Variants in RLN1 observed in about 807,000 individuals in gnomAD.
RLN1 encodes prorelaxin H1.
RLN1 carries 4 observed loss-of-function variants against 7.2 expected under a neutral mutation model. The observed-to-expected ratio is 0.56, with a 90% CI of 0.28 to 1.28. The LOEUF (loss-of-function observed/expected upper bound fraction) is 1.28. Ranked by LOEUF, RLN1 falls within the 50% of genes most tolerant of loss-of-function variation. The pLI, the probability that RLN1 is intolerant of heterozygous loss-of-function variation, is 0.11. For missense variants in RLN1, 293 were observed against 221.1 expected (o/e 1.32, Z -2.06); for synonymous variants, 105 against 86.0 (o/e 1.22, Z -1.22).
chr9:5,335,858 A>T lies in RLN1; in HGVS notation c.212-261T>A, dbSNP rs1180766746. Reference sequence around the variant, plus strand: ...TCTTCATTATCCCCTCAGTGCTTTTATCATAGTACTTTTGACTCTCCCTGA... The same window carrying T: ...TCTTCATTATCCCCTCAGTGCTTTTTTCATAGTACTTTTGACTCTCCCTGA... On this transcript the variant is annotated intron_variant, in intron 1 of 1. Coordinates refer to ENST00000223862, the MANE Select transcript of RLN1 (RefSeq NM_006911.4). Among the ~76,000 whole-genome samples, 2 of 151,898 alleles carry T rather than the reference A, an allele frequency of 1.3e-5. 1 individual carries two copies. The highest frequency in any genetic ancestry group is 2.9e-5 in the Non-Finnish European group (2 of 67,982).
chr9:5,339,311 G>A (rs1563756561), intron 1 of RLN1: 3 of 425,072 alleles, frequency 7.1e-6, no homozygotes, highest in Non-Finnish European at 3.9e-6. Context: ...TGTTCTCAGT[G>A]CTTTCCCTCC....
chr9:5,340,760 AGAC>A (rs1317834899), upstream of RLN1, among the ~76,000 whole-genome samples: 1 of 152,216 alleles, frequency 6.6e-6, no homozygotes, highest in African/African-American at 2.4e-5. Context: ...TATGGTTAGT[AGAC>A]GACCCTTCTA....
Position 5,337,490 on chromosome 9 carries a change from G to C in RLN1, c.212-1893C>G, listed in dbSNP as rs925032786. The stretch of plus-strand genomic sequence containing the variant: ...TTTGGATGCAAATCTTACTGAAATA[G>C]ATCTCTGGTTTAAAGCGGATCTTAT... On this transcript the variant is annotated intron_variant, in intron 1 of 1. Coordinates refer to ENST00000223862, the MANE Select transcript of RLN1 (RefSeq NM_006911.4). 2.6e-5 allele frequency among the ~76,000 whole-genome samples: 4 copies of C among 151,954 alleles called. 1 individual carries two copies. Among genetic ancestry groups the C allele is most frequent in the Non-Finnish European group, 5.9e-5 (4 of 67,980 alleles).
chr9:5,339,938 A>C, upstream of RLN1: 1 of 604,966 alleles, frequency 1.7e-6, no homozygotes, highest in South Asian at 2.1e-5. Context: ...CCTTTCCCAC[A>C]CCCCTCCACA....
At chr9:5,336,714 G>C (rs1049044539) in intron 1 of RLN1, among the ~76,000 whole-genome samples, 2 of 151,954 alleles carry the variant, frequency 1.3e-5, no homozygotes, top group Admixed American at 1.3e-4. Flanking sequence ...CTCAGATCAG[G>C]TCTTGCTGCT....
At chr9:5,339,445 C>T (rs1443291903) in intron 1 of RLN1, 91 bp downstream of exon 1, 8 of 816,894 alleles carry the variant, frequency 9.8e-6, no homozygotes, top group Non-Finnish European at 1.5e-5. Context: ...GATCTCGAGT[C>T]GGACGTGCAG....
chr9:5,335,318 T>A lies in RLN1; in HGVS notation c.491A>T (p.Tyr164Phe), dbSNP rs749449263. 6.2e-7 allele frequency: 1 copy of A among 1,611,610 alleles called. No homozygotes were observed. Among genetic ancestry groups the A allele is most frequent in the African/African-American group, 1.3e-5 (1 of 74,514 alleles). The change falls in exon 2 of 2, where the codon TAC (tyrosine) becomes TTC (phenylalanine). Residue 164 changes from tyrosine to phenylalanine, a missense_variant. By Grantham distance (22) the Tyr-to-Phe change is conservative. Transcript: ENST00000223862. Reference sequence around the variant, plus strand: ...GCAACATTTCTCAAACAGTGCCACGTAGGGTCGTCTCTTTTTTTGAGAATG... The same window carrying A: ...GCAACATTTCTCAAACAGTGCCACGAAGGGTCGTCTCTTTTTTTGAGAATG... ...DTHSQKKRRPYVALFEKCCLI... is the reference protein window; with the variant it reads ...DTHSQKKRRPFVALFEKCCLI...
chr9:5,335,601 T>C lies in RLN1; in HGVS notation c.212-4A>G, dbSNP rs1237177153. On this transcript the variant is annotated splice_region_variant and splice_polypyrimidine_tract_variant and intron_variant, in intron 1 of 1. Transcript: ENST00000223862. ...TTGATGAAGGATGGTACAATTTCTG[T>C]TAAGTTTAAAAAAAAAGTGTATGTG... 1.9e-6 allele frequency: 3 copies of C among 1,583,802 alleles called. No homozygotes were observed. In the African/African-American group the frequency reaches 4.1e-5, roughly 22 times the overall value.
At chr9:5,337,517 T>G (rs571487835) in intron 1 of RLN1, among the ~76,000 whole-genome samples, 21 of 152,110 alleles carry the variant, frequency 1.4e-4, no homozygotes, top group African/African-American at 5.1e-4. Flanking sequence ...GGATCTTATT[T>G]TTAAAAGGGA....
At chr9:5,337,676 C>G (rs1223411839) in intron 1 of RLN1, among the ~76,000 whole-genome samples, 1 of 151,976 alleles carries the variant, frequency 6.6e-6, no homozygotes. Context: ...CAAAGCGATT[C>G]CTACCTAGTA....
At chr9:5,339,914 T>G (rs528041729), upstream of RLN1, 403 of 672,498 alleles carry the variant, frequency 6.0e-4, no homozygotes, top group Middle Eastern at 2.1e-3. Flanking sequence ...TAAGGCAAGG[T>G]TGCCAGCTCC....
In RLN1 at chr9:5,335,441, T is replaced by C. The variant is rs1318982391; in HGVS notation, c.368A>G (p.Asn123Ser). ...QQYVPALKDS[N>S]LSFEEFKKLI... ...TTTCTTAAATTCTTCAAAGCTAAGA[T>C]TGGAATCCTTTAATGCAGGTACATA... The change falls in exon 2 of 2, where the codon AAT (asparagine) becomes AGT (serine). Residue 123 changes from asparagine (N) to serine (S), a missense_variant. By Grantham distance (46) the Asn-to-Ser change is conservative (BLOSUM62 1). Transcript: ENST00000223862. 22 of 1,613,676 alleles carry C rather than the reference T, an allele frequency of 1.4e-5. No individual in the cohort carries two copies. Among genetic ancestry groups the C allele is most frequent in the Non-Finnish European group, 1.9e-5 (22 of 1,179,828 alleles).
Position 5,334,934 on chromosome 9 carries a change from T to C in RLN1, c.*317A>G, listed in dbSNP as rs562503934. 1 of 204,696 alleles carries C rather than the reference T, an allele frequency of 4.9e-6. No homozygotes were observed. Among genetic ancestry groups the C allele is most frequent in the African/African-American group, 2.3e-5 (1 of 43,342 alleles). The allele number at this position is 204,696 out of a possible 1,614,324, so 12.7% of individuals were successfully genotyped here. On this transcript the variant is annotated 3_prime_UTR_variant, in exon 2 of 2. Transcript: ENST00000223862. ...AACATTTTGGTCCACCTCATGTAAC[T>C]GTTGTTAGGTACTGTATTGTTATTA...
Position 5,339,859 on chromosome 9 carries a change from C to G in RLN1, c.-113G>C. The G allele has an allele frequency of 9.1e-7, 1 of 1,093,858 alleles. No individual in the cohort carries two copies. The allele number at this position is 1,093,858 out of a possible 1,614,324, so 67.8% of individuals were successfully genotyped here. On this transcript the variant is annotated 5_prime_UTR_variant, in exon 1 of 2. Coordinates refer to ENST00000223862, the MANE Select transcript of RLN1 (RefSeq NM_006911.4). The stretch of plus-strand genomic sequence containing the variant: ...TGTCCCGGGCTTTAGGCTGCTTTCC[C>G]TACCCGGCTCAACCAGTCTTTAGTA...
upstream of RLN1, among the ~76,000 whole-genome samples, chr9:5,340,055 T>A (rs1223984329): frequency 6.6e-6 from 1 of 152,228 alleles, no homozygotes; most frequent in African/African-American, 2.4e-5. Context: ...TTTGTTACCC[T>A]GAAACAACTT....
In RLN1 at chr9:5,335,758, T is replaced by A. The variant is rs141938641; in HGVS notation, c.212-161A>T. On this transcript the variant is annotated intron_variant, in intron 1 of 1. Transcript: ENST00000223862. ...ATCCTAATATCTAAACACTTAGCTT[T>A]CTTACAGTTGGACACCTTAAAGTAC... 1.7e-3 allele frequency among the ~76,000 whole-genome samples: 265 copies of A among 152,168 alleles called. 2 individuals are homozygous for A. The highest frequency in any genetic ancestry group is 5.5e-3 in the African/African-American group (229 of 41,484).
At chr9:5,336,694 A>G (rs1056980261) in intron 1 of RLN1, among the ~76,000 whole-genome samples, 3 of 152,112 alleles carry the variant, frequency 2.0e-5, no homozygotes, top group African/African-American at 7.2e-5. Flanking sequence ...TGTTTAAATT[A>G]TAGTGTAAAC....
At chr9:5,340,442 T>C (rs1008616557), upstream of RLN1, among the ~76,000 whole-genome samples, 21 of 152,148 alleles carry the variant, frequency 1.4e-4, no homozygotes, top group Non-Finnish European at 3.1e-4. Context: ...TGGGAGAAGT[T>C]TGATTGTAAC....
In RLN1 at chr9:5,335,561, G is replaced by C. The variant is rs770246447; in HGVS notation, c.248C>G (p.Thr83Ser). Residue 83 changes from threonine (T) to serine (S), a missense_variant, in exon 2 of 2, where the codon ACT (threonine) becomes AGT (serine). Physicochemically the swap from Thr to Ser is moderately conservative, Grantham distance 58 (BLOSUM62 1). Coordinates refer to ENST00000223862, the MANE Select transcript of RLN1 (RefSeq NM_006911.4). ...AATGAATTCCAACATGATAATTATA[G>C]TTTCTGTATCTTTGTTGATGAAGGA... is the stretch of plus-strand genomic sequence containing the variant. ...VPSFINKDTE[T>S]IIIMLEFIAN... 1 of 1,610,694 alleles carries C rather than the reference G, an allele frequency of 6.2e-7. No homozygotes were observed.
Sources: gnomAD v4.1 joint callset for allele counts (sites outside exome capture counted in the v4.1 genomes callset) on GRCh38, gnomAD v4.1.1 for gene constraint, MANE v1.5 for transcripts, NCBI Gene and HGNC (gene_info 2026-07-23, HGNC 2026-07-21) for gene names.